Variants in IFI44L observed in about 807,000 individuals in gnomAD.
IFI44L encodes the protein interferon induced protein 44 like.
IFI44L carries 40 observed loss-of-function variants against 39.3 expected under a neutral mutation model. The ratio of observed to expected loss-of-function variants is 1.02; its 90% CI spans 0.79 to 1.33. IFI44L has a LOEUF of 1.33. Ranked by LOEUF, IFI44L falls within the 40% of genes most tolerant of loss-of-function variation. IFI44L has a pLI of 0.00. For missense variants in IFI44L, 623 were observed against 549.0 expected (o/e 1.13, Z -1.35); for synonymous variants, 198 against 182.3 (o/e 1.09, Z -0.69).
chr1:78,640,922 T>A (rs1279012143), intron 6 of IFI44L, 99 bp from the exon 7 acceptor site: 15 of 773,572 alleles, frequency 1.9e-5, no homozygotes, highest in Non-Finnish European at 3.0e-5. Context: ...TCTTCAGCTC[T>A]CAAAATCACC....
At position 78,644,524 on chromosome 1, in the gene IFI44L, G is replaced by A. The variant is rs1647025637; in HGVS notation, c.*2715G>A. The A allele has an allele frequency of 6.6e-6, 1 of 152,138 alleles. No homozygotes were observed. Among genetic ancestry groups the A allele is most frequent in the East Asian group, 1.9e-4 (1 of 5,184 alleles). 9.4% of individuals were successfully genotyped at this position (152,138 alleles called of 1,614,324 possible). A position where few individuals can be genotyped will look rare whatever the true frequency, so the allele number is the denominator to read the frequency against. ...AATTTAGGTTAGGAAATATTGGTGAGGAGGCCTCAAAAAGGGGGAAACATC... is the reference window on the plus strand; with the variant it reads ...AATTTAGGTTAGGAAATATTGGTGAAGAGGCCTCAAAAAGGGGGAAACATC... On this transcript the variant is annotated 3_prime_UTR_variant, in exon 9 of 9. Coordinates refer to ENST00000370751, the MANE Select transcript of IFI44L (RefSeq NM_006820.4).
rs575395349 is a variant in IFI44L at position 78,642,018 on chromosome 1, G to A, written c.*209G>A. 1.6e-4 allele frequency: 98 copies of A among 611,524 alleles called. No homozygotes were observed. Among genetic ancestry groups the A allele is most frequent in the South Asian group, 3.3e-4 (17 of 51,844 alleles). The allele number at this position is 611,524 out of a possible 1,614,324, so 37.9% of individuals were successfully genotyped here. A position where few individuals can be genotyped will look rare whatever the true frequency, so the allele number is the denominator to read the frequency against. On this transcript the variant is annotated 3_prime_UTR_variant, in exon 9 of 9. Transcript: ENST00000370751. ...CTGCAAACCACCCCTCCATATTTCC[G>A]TACCATTTACAATTCAGTTTCTGTG...
rs1416760159 is a variant in IFI44L, at chr1:78,641,091, C to T, written c.1119C>T (p.Asn373=). The T allele has an allele frequency of 1.2e-6, 2 of 1,612,560 alleles. No homozygotes were observed. Among genetic ancestry groups the T allele is most frequent in the Non-Finnish European group, 1.7e-6 (2 of 1,178,834 alleles). The part of the protein sequence containing the change: ...CSEVLQDNFL[N]MSRSMTSQSR... The stretch of plus-strand genomic sequence containing the variant: ...AGGTTCTTCAAGACAACTTTTTAAA[C>T]ATGAGTAGATCTATGACTTCTCAAA... Residue 373 remains asparagine (N), a synonymous_variant, in exon 7 of 9, where the codon AAC becomes AAT. Coordinates refer to ENST00000370751, the MANE Select transcript of IFI44L (RefSeq NM_006820.4).
At chr1:78,629,112 A>G in intron 3 of IFI44L, 113 bp downstream of exon 3, 1 of 742,258 alleles carries the variant, frequency 1.3e-6, no homozygotes, top group Non-Finnish European at 2.4e-6. Context: ...TGATTAAAAA[A>G]GAGTTATAAT....
chr1:78,624,659 TA>T (rs1241281825), intron 1 of IFI44L, among the ~76,000 whole-genome samples: 5 of 152,202 alleles, frequency 3.3e-5, no homozygotes, highest in Admixed American at 2.6e-4. Context: ...TTATAATGGA[TA>T]AAGTATTGAA....
intron 4 of IFI44L, chr1:78,630,172 A>T: frequency 5.6e-6 from 2 of 356,656 alleles, no homozygotes; most frequent in South Asian, 5.0e-5. Flanking sequence ...AAAATTAAAA[A>T]CCCTATGAAA....
chr1:78,636,482 TC>T lies in IFI44L; in HGVS notation c.877-548del, dbSNP rs1244514882. 2.6e-5 allele frequency among the ~76,000 whole-genome samples: 4 copies of T among 152,156 alleles called. No homozygotes were observed. The South Asian group carries it at 8.3e-4, about 31-fold the overall frequency. On this transcript the variant is annotated intron_variant, in intron 5 of 8. Transcript: ENST00000370751. ...CCAAACCATTGTTTCATAATCTATT[TC>T]CTTAATCTTAGAAAGATTACTGTCT...
intron 6 of IFI44L, among the ~76,000 whole-genome samples, chr1:78,639,261 T>C (rs2100391000): frequency 6.6e-6 from 1 of 152,216 alleles, no homozygotes; most frequent in Middle Eastern, 3.4e-3. Flanking sequence ...CAGGTATAAA[T>C]GTCCTGGCTC....
rs549425996 is a variant in IFI44L, at chr1:78,645,337, T to G, written c.*3528T>G. The G allele has an allele frequency of 2.6e-5, 4 of 152,288 alleles. No individual in the cohort carries two copies. Among genetic ancestry groups the G allele is most frequent in the East Asian group, 3.9e-4 (2 of 5,178 alleles). The allele number at this position is 152,288 out of a possible 1,614,324, so 9.4% of individuals were successfully genotyped here. A position where few individuals can be genotyped will look rare whatever the true frequency, so the allele number is the denominator to read the frequency against. On this transcript the variant is annotated 3_prime_UTR_variant, in exon 9 of 9. Transcript: ENST00000370751. ...ACCCTCATGCTTGGCCCAAATAAAC[T>G]CTCTACTTATATCAGTTTTTCCTAC...
chr1:78,636,033 G>C (rs1228533284), intron 5 of IFI44L: 5 of 150,654 alleles, frequency 3.3e-5, no homozygotes, highest in African/African-American at 1.2e-4. Flanking sequence ...GGGTGGCTAA[G>C]ATGATTAAAT....
chr1:78,635,428 C>G lies in IFI44L; in HGVS notation c.815C>G (p.Ala272Gly). ...ATGGGGCTAGATGGGGCAGAAGGAG[C>G]AGGACTGTGCATGGATGACATTCCC... ...DTMGLDGAEG[A>G]GLCMDDIPHI... Residue 272 changes from alanine (A) to glycine (G), a missense_variant, in exon 5 of 9, where the codon GCA becomes GGA. Physicochemically the swap from Ala to Gly is moderately conservative, Grantham distance 60. Coordinates refer to ENST00000370751, the MANE Select transcript of IFI44L (RefSeq NM_006820.4). 2 of 1,613,494 alleles carry G rather than the reference C, an allele frequency of 1.2e-6. No homozygotes were observed. The highest frequency in any genetic ancestry group is 1.7e-6 in the Non-Finnish European group (2 of 1,179,596).
chr1:78,637,412 AT>A (rs951648510), intron 6 of IFI44L, among the ~76,000 whole-genome samples: 15 of 149,916 alleles, frequency 1.0e-4, no homozygotes, highest in East Asian at 3.9e-4. Context: ...CTGGCCAACC[AT>A]TTTTTTTTCG....
Position 78,629,746 on chromosome 1 carries a change from T to G in IFI44L, c.554T>G (p.Ile185Ser), listed in dbSNP as rs1652670580. 4.3e-6 allele frequency: 7 copies of G among 1,613,238 alleles called. No individual in the cohort carries two copies. Among genetic ancestry groups the G allele is most frequent in the Non-Finnish European group, 5.1e-6 (6 of 1,179,530 alleles). Reference sequence around the variant, plus strand: ...CACAGAAATAGGCTTCTAGCAGACATCAGAGACTATAGGCCCTATGCAGAC... The same window carrying G: ...CACAGAAATAGGCTTCTAGCAGACAGCAGAGACTATAGGCCCTATGCAGAC... ...REHRNRLLADIRDYRPYADLV... is the reference protein window; with the variant it reads ...REHRNRLLADSRDYRPYADLV... The change falls in exon 4 of 9, where the codon ATC becomes AGC. Residue 185 changes from isoleucine to serine, a missense_variant. By Grantham distance (142) the Ile-to-Ser change is moderately radical. Transcript: ENST00000370751.
Position 78,635,465 on chromosome 1 carries a change from A to C in IFI44L, c.852A>C (p.Lys284Asn). ...TGGATGACATTCCCCACATCTTAAA[A>C]GGTTGTATGCCAGACAGATATCAGG... is the stretch of plus-strand genomic sequence containing the variant. ...LCMDDIPHILKGCMPDRYQFN... is the reference protein window; with the variant it reads ...LCMDDIPHILNGCMPDRYQFN... The change falls in exon 5 of 9, where the codon AAA becomes AAC. Residue 284 changes from lysine to asparagine, a missense_variant. Physicochemically the swap from Lys to Asn is moderately conservative, Grantham distance 94. Coordinates refer to ENST00000370751, the MANE Select transcript of IFI44L (RefSeq NM_006820.4). The C allele has an allele frequency of 6.2e-7, 1 of 1,613,292 alleles. No individual in the cohort carries two copies. Among genetic ancestry groups the C allele is most frequent in the Non-Finnish European group, 8.5e-7 (1 of 1,179,558 alleles).
chr1:78,632,203 C>A (rs1277580581), intron 4 of IFI44L, among the ~76,000 whole-genome samples: 1 of 152,086 alleles, frequency 6.6e-6, no homozygotes, highest in East Asian at 1.9e-4. Context: ...TGGCAGGTAT[C>A]TTAATGCAAA....
At chr1:78,624,811 C>G (rs966051140) in intron 1 of IFI44L, among the ~76,000 whole-genome samples, 4 of 151,982 alleles carry the variant, frequency 2.6e-5, no homozygotes, top group African/African-American at 9.7e-5. Context: ...GAGAATTGAC[C>G]CTTTTCTTAT....
rs79574276 is a variant in IFI44L at position 78,640,143 on chromosome 1, A to G, written c.1049-878A>G. On this transcript the variant is annotated intron_variant, in intron 6 of 8. Coordinates refer to ENST00000370751, the MANE Select transcript of IFI44L (RefSeq NM_006820.4). Reference sequence around the variant, plus strand: ...GACAGAAATGCTAAGTTTTAAAATGACTTTTCAAGGATGTATGGCAACACA... The same window carrying G: ...GACAGAAATGCTAAGTTTTAAAATGGCTTTTCAAGGATGTATGGCAACACA... Among the ~76,000 whole-genome samples, 25 of 152,212 alleles carry G rather than the reference A, an allele frequency of 1.6e-4. No homozygotes were observed. In the East Asian group the frequency reaches 4.4e-3, roughly 27 times the overall value.
rs1043984317 is a variant in IFI44L, at chr1:78,628,332, C to T, written c.417C>T (p.Asn139=). The stretch of plus-strand genomic sequence containing the variant: ...ATCTAGATAAAATGATAACAAGAAA[C>T]TTGAAACTAAGGTTTTATGGCCACC... The part of the protein sequence containing the change: ...KIYLDKMITR[N]LKLRFYGHRQ... Residue 139 remains asparagine, a synonymous_variant, in exon 2 of 9, where the codon AAC becomes AAT. Coordinates refer to ENST00000370751, the MANE Select transcript of IFI44L (RefSeq NM_006820.4). 6.3e-7 allele frequency: 1 copy of T among 1,599,554 alleles called. No homozygotes were observed. Among genetic ancestry groups the T allele is most frequent in the Non-Finnish European group, 8.5e-7 (1 of 1,174,500 alleles).
Position 78,643,158 on chromosome 1 carries a change from C to CTTTTTTTTTTTTT in IFI44L, c.*1351_*1352insTTTTTTTTTTTTT, listed in dbSNP as rs1303490900. ...ATAGATATTAAGAAAGCAAGAGTTT[C>CTTTTTTTTTTTTT]TTATGTCCAGTTATGGAATATTTCC... On this transcript the variant is annotated 3_prime_UTR_variant, in exon 9 of 9. Transcript: ENST00000370751. 4 of 151,632 alleles carry CTTTTTTTTTTTTT rather than the reference C, an allele frequency of 2.6e-5. No individual in the cohort carries two copies. The highest frequency in any genetic ancestry group is 2.4e-5 in the African/African-American group (1 of 41,502). 9.4% of individuals were successfully genotyped at this position (151,632 alleles called of 1,614,324 possible).
Sources: allele counts gnomAD v4.1 joint callset (sites outside exome capture counted in the v4.1 genomes callset), GRCh38; gene constraint gnomAD v4.1.1; transcripts MANE v1.5; gene names NCBI Gene and HGNC (gene_info 2026-07-23, HGNC 2026-07-21).